Variants in THSD7B observed in about 807,000 individuals in gnomAD.
The protein encoded by THSD7B is thrombospondin type 1 domain containing 7B.
A neutral mutation model predicts 213.6 loss-of-function variants in THSD7B; 138 were observed. That is an observed-to-expected ratio of 0.65 (90% CI 0.56 to 0.74). The LOEUF (loss-of-function observed/expected upper bound fraction) is 0.74, where lower values mean the gene tolerates loss of function less well. Among genes scored for constraint, THSD7B ranks in the 30% least tolerant of loss-of-function variants. The pLI is 0.00. For missense variants in THSD7B, 1,931 were observed against 1,991.5 expected (o/e 0.97, Z 0.58); for synonymous variants, 742 against 687.0 (o/e 1.08, Z -1.25).
At chr2:137,253,188 G>A (rs1260379316) in intron 10 of THSD7B, among the ~76,000 whole-genome samples, 1 of 152,040 alleles carries the variant, frequency 6.6e-6, no homozygotes, top group Non-Finnish European at 1.5e-5. Context: ...TTACCAAAAT[G>A]CCTTGGCTGT....
At chr2:136,805,363 T>C (rs1682262956) in intron 1 of THSD7B, among the ~76,000 whole-genome samples, 1 of 152,174 alleles carries the variant, frequency 6.6e-6, no homozygotes, top group African/African-American at 2.4e-5. Flanking sequence ...GGGAAATATA[T>C]AGCACAATTA....
At chr2:137,463,523 C>T (rs990962345) in intron 15 of THSD7B, among the ~76,000 whole-genome samples, 5 of 151,936 alleles carry the variant, frequency 3.3e-5, no homozygotes, top group African/African-American at 4.8e-5. Flanking sequence ...CCCCATTTAC[C>T]CTTCTGTGGC....
At chr2:137,636,739 T>G (rs1682840023) in intron 20 of THSD7B, among the ~76,000 whole-genome samples, 1 of 152,372 alleles carries the variant, frequency 6.6e-6, no homozygotes, top group Non-Finnish European at 1.5e-5. Flanking sequence ...TTAAAGTACT[T>G]GTATGTAGTC....
chr2:136,843,801 G>A lies in THSD7B; in HGVS notation c.-35-38343G>A, dbSNP rs1024281942. Among the ~76,000 whole-genome samples the A allele has an allele frequency of 2.6e-5, 4 of 152,126 alleles. No homozygotes were observed. In the East Asian group the frequency reaches 5.8e-4, roughly 22 times the overall value. Reference sequence around the variant, plus strand: ...AAATATAGTGCCCTGACAGTTTTGGGGTGGCTGCTTCTCTGATGTGTTGTC... The same window carrying A: ...AAATATAGTGCCCTGACAGTTTTGGAGTGGCTGCTTCTCTGATGTGTTGTC... On this transcript the variant is annotated intron_variant, in intron 1 of 27. Coordinates refer to ENST00000409968, the MANE Select transcript of THSD7B (RefSeq NM_001316349.2).
intron 1 of THSD7B, among the ~76,000 whole-genome samples, chr2:136,825,718 A>ATTTTTTTTTTTTTTGTTTTTTTTTTTT (rs759978910): frequency 1.7e-5 from 2 of 116,896 alleles, no homozygotes; most frequent in African/African-American, 3.3e-5. Context: ...TGCCTGGCTA[A>ATTTTTTTTTTTTTTGTTTTTTTTTTTT]TTTTTTTTTT....
intron 4 of THSD7B, 123 bp from the exon 5 acceptor site, chr2:137,115,001 A>G (rs1373688691): frequency 9.7e-7 from 1 of 1,027,030 alleles, no homozygotes; most frequent in Non-Finnish European, 1.4e-6. Context: ...TTCTTTATCC[A>G]CAGGCAAAGA....
At chr2:137,026,041 G>A (rs1437866380) in intron 2 of THSD7B, among the ~76,000 whole-genome samples, 1 of 152,044 alleles carries the variant, frequency 6.6e-6, no homozygotes, top group Non-Finnish European at 1.5e-5. Context: ...CTTTCCATCA[G>A]GTCCACATGT....
chr2:137,492,868 T>A (rs1679453496), intron 15 of THSD7B, among the ~76,000 whole-genome samples: 1 of 151,730 alleles, frequency 6.6e-6, no homozygotes, highest in African/African-American at 2.4e-5. Flanking sequence ...CACACTATAA[T>A]CCCAGCACTT....
At chr2:137,471,561 T>C (rs1044013484) in intron 15 of THSD7B, among the ~76,000 whole-genome samples, 47 of 151,934 alleles carry the variant, frequency 3.1e-4, no homozygotes, top group African/African-American at 1.1e-3. Flanking sequence ...ATAAGTTCTG[T>C]CCACTGCCAT....
intron 10 of THSD7B, among the ~76,000 whole-genome samples, chr2:137,250,556 C>A (rs1682149200): frequency 6.6e-6 from 1 of 152,128 alleles, no homozygotes; most frequent in African/African-American, 2.4e-5. Flanking sequence ...AATACCAAAA[C>A]CACATGGAAT....
At chr2:136,792,090 C>T (rs1161043685) in intron 1 of THSD7B, among the ~76,000 whole-genome samples, 1 of 151,946 alleles carries the variant, frequency 6.6e-6, no homozygotes, top group Non-Finnish European at 1.5e-5. Context: ...TCTCATTGTG[C>T]TTTTAATTTG....
At chr2:137,323,408 T>C (rs1428909898) in intron 12 of THSD7B, among the ~76,000 whole-genome samples, 1 of 152,186 alleles carries the variant, frequency 6.6e-6, no homozygotes, top group Non-Finnish European at 1.5e-5. Flanking sequence ...ATGAAGTCAT[T>C]CTCCCTTATT....
chr2:137,620,497 A>G, intron 19 of THSD7B, 112 bp from the exon 20 acceptor site: 1 of 710,906 alleles, frequency 1.4e-6, no homozygotes, highest in Non-Finnish European at 2.4e-6. Context: ...TCCCCACTGA[A>G]ATATGGAAAG....
chr2:136,881,085 G>A (rs1446471108), intron 1 of THSD7B, among the ~76,000 whole-genome samples: 1 of 152,012 alleles, frequency 6.6e-6, no homozygotes, highest in African/African-American at 2.4e-5. Flanking sequence ...TGTTTTCTCT[G>A]CCTGAGATGC....
intron 12 of THSD7B, among the ~76,000 whole-genome samples, chr2:137,309,114 AG>A (rs1683826757): frequency 6.6e-6 from 1 of 152,152 alleles, no homozygotes; most frequent in South Asian, 2.1e-4. Context: ...TTTCAACAAT[AG>A]CATAGGACAG....
chr2:137,632,582 AT>A, intron 20 of THSD7B, among the ~76,000 whole-genome samples: 1 of 152,316 alleles, frequency 6.6e-6, no homozygotes, highest in African/African-American at 2.4e-5. Flanking sequence ...TGGAATTGAA[AT>A]GTGATTGTTG....
At chr2:136,956,433 C>G (rs983175661) in intron 2 of THSD7B, among the ~76,000 whole-genome samples, 2 of 152,082 alleles carry the variant, frequency 1.3e-5, no homozygotes, top group Non-Finnish European at 2.9e-5. Context: ...AGCCCCGTGT[C>G]TCTCTTTTGT....
intron 1 of THSD7B, among the ~76,000 whole-genome samples, chr2:136,805,393 C>A (rs1355469745): frequency 1.3e-5 from 2 of 152,192 alleles, no homozygotes; most frequent in Admixed American, 1.3e-4. Context: ...TTTGCATCCC[C>A]ACCAATAGGA....
At chr2:137,637,182 AT>A (rs1465282607) in intron 20 of THSD7B, among the ~76,000 whole-genome samples, 1 of 152,228 alleles carries the variant, frequency 6.6e-6, no homozygotes, top group Non-Finnish European at 1.5e-5. Flanking sequence ...TTGGTTGAAT[AT>A]TCCATCCTTT....
Sources: allele counts gnomAD v4.1 joint callset (sites outside exome capture counted in the v4.1 genomes callset), GRCh38; gene constraint gnomAD v4.1.1; transcripts MANE v1.5; gene names NCBI Gene and HGNC (gene_info 2026-07-23, HGNC 2026-07-21).